Variants in ERBB4 observed in about 807,000 individuals in gnomAD.
ERBB4 encodes receptor tyrosine-protein kinase erbB-4.
Under a neutral mutation model 158.0 loss-of-function variants are expected in ERBB4, and 42 were observed. The ratio of observed to expected loss-of-function variants is 0.27; its 90% CI spans 0.21 to 0.34. ERBB4 has a LOEUF of 0.34. Among genes scored for constraint, ERBB4 ranks in the 10% least tolerant of loss-of-function variants. ERBB4 has a pLI of 1.00. For synonymous variants in ERBB4, 583 were observed against 558.7 expected, an observed-to-expected ratio of 1.04 and a Z score of -0.61; for missense variants, 1,333 against 1,624.1, an observed-to-expected ratio of 0.82 and a Z score of 3.08.
intron 1 of ERBB4, among the ~76,000 whole-genome samples, chr2:212,398,922 A>ATATT (rs34707926): frequency 0.56 from 85,149 of 151,494 alleles, 24,886 homozygotes; most frequent in African/African-American, 0.7. Context: ...ATGTCTGAAA[A>ATATT]TATATTGTTC....
chr2:212,427,806 T>C (rs189730431), intron 1 of ERBB4, among the ~76,000 whole-genome samples: 1 of 152,190 alleles, frequency 6.6e-6, no homozygotes, highest in East Asian at 1.9e-4. Flanking sequence ...ATGTGAGAGC[T>C]TGTGGGGAAA....
chr2:211,422,774 A>G (rs1187683701), intron 23 of ERBB4, among the ~76,000 whole-genome samples: 3 of 151,932 alleles, frequency 2.0e-5, no homozygotes, highest in Admixed American at 2.0e-4. Flanking sequence ...AAAATTCTCC[A>G]TTAGGGAAAG....
intron 1 of ERBB4, among the ~76,000 whole-genome samples, chr2:212,134,852 T>A (rs1314344174): frequency 1.3e-5 from 2 of 151,670 alleles, no homozygotes; most frequent in Non-Finnish European, 2.9e-5. Context: ...CCTGGCTAAT[T>A]TTTTTTGTAT....
chr2:211,814,038 C>T (rs1238080147), intron 3 of ERBB4, among the ~76,000 whole-genome samples: 1 of 151,940 alleles, frequency 6.6e-6, no homozygotes, highest in African/African-American at 2.4e-5. Flanking sequence ...AACTATACAG[C>T]CATTATAAAC....
chr2:212,384,888 G>A (rs1230386363), intron 1 of ERBB4, among the ~76,000 whole-genome samples: 4 of 95,958 alleles, frequency 4.2e-5, no homozygotes, highest in African/African-American at 2.0e-4. Context: ...CCATGTTTGT[G>A]GAATATATAT....
intron 16 of ERBB4, among the ~76,000 whole-genome samples, chr2:211,657,238 GT>G (rs1454338447): frequency 6.6e-6 from 1 of 152,162 alleles, no homozygotes; most frequent in African/African-American, 2.4e-5. Flanking sequence ...GCCGGGCACA[GT>G]GGCTCACACT....
At chr2:212,002,519 T>C (rs1250009291) in intron 2 of ERBB4, among the ~76,000 whole-genome samples, 1 of 152,076 alleles carries the variant, frequency 6.6e-6, no homozygotes, top group African/African-American at 2.4e-5. Flanking sequence ...ATGTAAAGCA[T>C]AGCAAAAATA....
chr2:211,569,244 C>A (rs541592189), intron 19 of ERBB4, among the ~76,000 whole-genome samples: 2 of 152,182 alleles, frequency 1.3e-5, no homozygotes, highest in Non-Finnish European at 2.9e-5. Context: ...AAGTCTACAT[C>A]GGGAAAGAAT....
chr2:212,275,895 A>C (rs1361704019), intron 1 of ERBB4, among the ~76,000 whole-genome samples: 1 of 151,870 alleles, frequency 6.6e-6, no homozygotes, highest in African/African-American at 2.4e-5. Context: ...ATTGGATGAA[A>C]AGTCAAGACC....
At chr2:211,463,071 A>G (rs1574536881) in intron 20 of ERBB4, among the ~76,000 whole-genome samples, 1 of 152,262 alleles carries the variant, frequency 6.6e-6, no homozygotes, top group South Asian at 2.1e-4. Flanking sequence ...CCCTAAAATT[A>G]TCCCAGAAAA....
At chr2:212,387,009 T>A (rs1225634942) in intron 1 of ERBB4, among the ~76,000 whole-genome samples, 1 of 152,080 alleles carries the variant, frequency 6.6e-6, no homozygotes, top group Non-Finnish European at 1.5e-5. Context: ...ATGAAGCTGA[T>A]CCCTCATTTT....
intron 1 of ERBB4, among the ~76,000 whole-genome samples, chr2:212,192,044 A>AT (rs1559707688): frequency 3.2e-3 from 179 of 56,266 alleles, no homozygotes; most frequent in Non-Finnish European, 5.9e-3. Flanking sequence ...TATGTTATAT[A>AT]TATGTTATAT....
At chr2:211,816,990 T>C (rs759365880) in intron 3 of ERBB4, among the ~76,000 whole-genome samples, 12 of 152,206 alleles carry the variant, frequency 7.9e-5, no homozygotes, top group Non-Finnish European at 1.5e-4. Context: ...ATAGCAGTGT[T>C]TGCCTCAACA....
intron 2 of ERBB4, among the ~76,000 whole-genome samples, chr2:212,113,000 C>CTTA (rs1303150333): frequency 6.6e-6 from 1 of 152,110 alleles, no homozygotes; most frequent in Non-Finnish European, 1.5e-5. Flanking sequence ...CACCACCTAA[C>CTTA]ACAGGCCTAA....
intron 4 of ERBB4, among the ~76,000 whole-genome samples, chr2:211,766,060 CTTTT>C (rs2075543145): frequency 6.6e-6 from 1 of 152,010 alleles, no homozygotes; most frequent in South Asian, 2.1e-4. Context: ...TTTTTTCTTT[CTTTT>C]ATGTATTTCT....
At chr2:211,559,311 T>C (rs563339004) in intron 20 of ERBB4, among the ~76,000 whole-genome samples, 30 of 152,326 alleles carry the variant, frequency 2.0e-4, no homozygotes, top group Middle Eastern at 3.4e-3. Context: ...GACTGCATGA[T>C]CTATTTAGAA....
chr2:211,404,216 C>T (rs2063102714), intron 25 of ERBB4, among the ~76,000 whole-genome samples: 1 of 152,022 alleles, frequency 6.6e-6, no homozygotes, highest in African/African-American at 2.4e-5. Context: ...GTTCCCTCTC[C>T]CTTGCTGCCG....
intron 1 of ERBB4, among the ~76,000 whole-genome samples, chr2:212,312,774 T>C (rs1158799116): frequency 6.6e-6 from 1 of 150,898 alleles, no homozygotes; most frequent in Non-Finnish European, 1.5e-5. Context: ...TTATTCTTAT[T>C]TGCTTTATTT....
chr2:212,253,484 T>C (rs1303017124), intron 1 of ERBB4, among the ~76,000 whole-genome samples: 1 of 152,044 alleles, frequency 6.6e-6, no homozygotes, highest in African/African-American at 2.4e-5. Context: ...TCAAAACCAG[T>C]TCTTCTCAGA....
Sources: gnomAD v4.1 joint callset for allele counts (sites outside exome capture counted in the v4.1 genomes callset) on GRCh38, gnomAD v4.1.1 for gene constraint, MANE v1.5 for transcripts, NCBI Gene and HGNC (gene_info 2026-07-23, HGNC 2026-07-21) for gene names.